The following MYO1C variants were observed in gnomAD, a reference collection of about 807,000 sequenced individuals.
MYO1C encodes myosin IC, also known as unconventional myosin-Ic.
A neutral mutation model predicts 150.8 loss-of-function variants in MYO1C; 104 were observed. The observed-to-expected ratio is 0.69, with a 90% CI of 0.59 to 0.81. The LOEUF (loss-of-function observed/expected upper bound fraction) is 0.81. Among genes scored for constraint, MYO1C ranks in the 30% least tolerant of loss-of-function variants. MYO1C has a pLI of 0.00. For missense variants in MYO1C, 1,504 were observed against 1,435.0 expected (o/e 1.05, Z -0.78); for synonymous variants, 663 against 579.9 (o/e 1.14, Z -2.06).
At position 1,479,560 on chromosome 17, in the gene MYO1C, T is replaced by A. The variant is rs927044167; in HGVS notation, c.1020+32A>T. On this transcript the variant is annotated intron_variant, in intron 8 of 31. Coordinates refer to ENST00000648651, the MANE Select transcript of MYO1C (RefSeq NM_001080779.2). The surrounding 1 kb of genome is among the most constrained non-coding windows in gnomAD (Gnocchi z 4.2). ...GCACCCCCAGCCCCCGCCCCCGCCG[T>A]CCTCCCGTCGCCCTCTGCCCGCCCC... 8.8e-6 allele frequency: 10 copies of A among 1,131,438 alleles called. No homozygotes were observed. The African/African-American group carries it at 9.3e-5, about 11-fold the overall frequency. The allele number at this position is 1,131,438 out of a possible 1,614,324, so 70.1% of individuals were successfully genotyped here. A position where few individuals can be genotyped will look rare whatever the true frequency, so the allele number is the denominator to read the frequency against.
chr17:1,479,326 T>C lies in MYO1C; in HGVS notation c.1092+105A>G, dbSNP rs1384706779. On this transcript the variant is annotated intron_variant, in intron 9 of 31. Transcript: ENST00000648651. This position sits in a 1 kb window ranked among gnomAD's most constrained non-coding sequence, Gnocchi z 4.2. ...GCTTCTCTGAGCAGCCTTCCTTCCATCCCTCCAGCATTGCTGAGGGAACCA... is the reference window on the plus strand; with the variant it reads ...GCTTCTCTGAGCAGCCTTCCTTCCACCCCTCCAGCATTGCTGAGGGAACCA... The C allele has an allele frequency of 1.3e-6, 1 of 748,152 alleles. No individual in the cohort carries two copies. The highest frequency in any genetic ancestry group is 2.3e-6 in the Non-Finnish European group (1 of 431,106). 46.3% of individuals were successfully genotyped at this position (748,152 alleles called of 1,614,324 possible).
intron 14 of MYO1C, among the ~76,000 whole-genome samples, chr17:1,476,023 T>G (rs1046258946): frequency 1.3e-5 from 2 of 152,238 alleles, no homozygotes; most frequent in African/African-American, 4.8e-5. Flanking sequence ...CCATGGCCTT[T>G]GGGCGACGGG....
Position 1,474,804 on chromosome 17 carries a change from C to G in MYO1C, c.1716+8G>C. 6.2e-7 allele frequency: 1 copy of G among 1,613,988 alleles called. No individual in the cohort carries two copies. Among genetic ancestry groups the G allele is most frequent in the East Asian group, 2.2e-5 (1 of 44,884 alleles). On this transcript the variant is annotated splice_region_variant and intron_variant, in intron 16 of 31. Transcript: ENST00000648651. Reference sequence around the variant, plus strand: ...ACCCCCACCCCGGCCTCCCCACGTCCTCCTCACCTCCTTAAGGTTCCGGAA... The same window carrying G: ...ACCCCCACCCCGGCCTCCCCACGTCGTCCTCACCTCCTTAAGGTTCCGGAA...
At chr17:1,484,083 T>G in intron 2 of MYO1C, 65 bp downstream of exon 2, 1 of 1,592,354 alleles carries the variant, frequency 6.3e-7, no homozygotes, top group Non-Finnish European at 8.6e-7. Context: ...TTGGTGTCTC[T>G]TTCCCCTCCG....
intron 14 of MYO1C, among the ~76,000 whole-genome samples, chr17:1,475,628 C>G (rs918025886): frequency 6.6e-6 from 1 of 152,262 alleles, no homozygotes; most frequent in African/African-American, 2.4e-5. Context: ...GTGAGCTGCG[C>G]ACTACTTTTC....
rs761836352 is a variant in MYO1C at position 1,483,056 on chromosome 17, A to T, written c.351T>A (p.Phe117Leu). 2 of 1,603,630 alleles carry T rather than the reference A, an allele frequency of 1.2e-6. No individual in the cohort carries two copies. Among genetic ancestry groups the T allele is most frequent in the African/African-American group, 2.7e-5 (2 of 74,742 alleles). The change falls in exon 4 of 32, where the codon TTT becomes TTA. Residue 117 changes from phenylalanine (F) to leucine (L), a missense_variant. Physicochemically the swap from Phe to Leu is conservative, Grantham distance 22. Transcript: ENST00000648651. ...VSFYEVPPHLFAVADTVYRAL... is the reference protein window; with the variant it reads ...VSFYEVPPHLLAVADTVYRAL... Reference sequence around the variant, plus strand: ...CTCGGTACACAGTGTCCGCCACGGCAAACCTGGGGCGGAGGCTCGTCAGGG... The same window carrying T: ...CTCGGTACACAGTGTCCGCCACGGCTAACCTGGGGCGGAGGCTCGTCAGGG...
intron 25 of MYO1C, 169 bp from the exon 26 acceptor site, chr17:1,468,665 C>G: frequency 1.6e-6 from 1 of 632,752 alleles, no homozygotes; most frequent in Non-Finnish European, 2.8e-6. Context: ...CAACCCTCCA[C>G]TTCCTGACCC....
intron 7 of MYO1C, among the ~76,000 whole-genome samples, chr17:1,480,281 T>C (rs913356876): frequency 6.6e-6 from 1 of 151,010 alleles, no homozygotes; most frequent in East Asian, 2.0e-4. Flanking sequence ...ACTCCGTCTC[T>C]ACTAAAACTA....
intron 17 of MYO1C, among the ~76,000 whole-genome samples, chr17:1,473,296 G>A (rs2074341121): frequency 6.6e-6 from 1 of 152,168 alleles, no homozygotes; most frequent in African/African-American, 2.4e-5. Flanking sequence ...GCAGACCAAG[G>A]GCCCGTTTGT....
At chr17:1,480,462 CAAAA>C in intron 7 of MYO1C, 61 bp downstream of exon 7, 1 of 1,233,594 alleles carries the variant, frequency 8.1e-7, no homozygotes, top group East Asian at 2.6e-5. Context: ...AAATAAAAAA[CAAAA>C]AAAAAAGGAG....
intron 14 of MYO1C, among the ~76,000 whole-genome samples, 155 bp from the exon 15 acceptor site, chr17:1,475,187 G>A (rs1048017889): frequency 2.6e-5 from 4 of 152,184 alleles, no homozygotes; most frequent in Admixed American, 6.5e-5. Context: ...TGGGGAGGCC[G>A]AGGTGGGTAG....
chr17:1,468,387 A>C lies in MYO1C; in HGVS notation c.2704+16T>G. ...TGGTGACGAAAGGTCTGAGTGCTGGAAAGTCAGGGGCTCACCAAGCCGAGT... is the reference window on the plus strand; with the variant it reads ...TGGTGACGAAAGGTCTGAGTGCTGGCAAGTCAGGGGCTCACCAAGCCGAGT... On this transcript the variant is annotated intron_variant, in intron 26 of 31. Coordinates refer to ENST00000648651, the MANE Select transcript of MYO1C (RefSeq NM_001080779.2). 6.2e-7 allele frequency: 1 copy of C among 1,613,730 alleles called. No individual in the cohort carries two copies. Among genetic ancestry groups the C allele is most frequent in the Non-Finnish European group, 8.5e-7 (1 of 1,179,680 alleles).
Position 1,472,160 on chromosome 17 carries a change from G to A in MYO1C, c.1866C>T (p.Tyr622=), listed in dbSNP as rs982233240. The A allele has an allele frequency of 5.6e-6, 9 of 1,614,150 alleles. No homozygotes were observed. The highest frequency in any genetic ancestry group is 1.1e-5 in the South Asian group (1 of 91,086). Residue 622 remains tyrosine, a synonymous_variant, in exon 18 of 32, where the codon TAC becomes TAT. Transcript: ENST00000648651. ...CATCATTGGGTTTGATGCAGCGGAC[G>A]TAGGCGGGCTCCTTAGACTGCAGGA... The part of the protein sequence containing the change: ...VEILQSKEPA[Y]VRCIKPNDAK...
In MYO1C at chr17:1,470,217, G is replaced by C; in HGVS notation, c.2484C>G (p.Val828=). 6.2e-7 allele frequency: 1 copy of C among 1,611,842 alleles called. No homozygotes were observed. Among genetic ancestry groups the C allele is most frequent in the Non-Finnish European group, 8.5e-7 (1 of 1,179,572 alleles). Residue 828 remains valine, a synonymous_variant, in exon 24 of 32, where the codon GTC becomes GTG. Transcript: ENST00000648651. ...GGGGCGTGGGCCACGAGGTGTCCAG[G>C]ACATTCTGGGGCAGCTGCCGCCTCA... ...LNLRRQLPQN[V]LDTSWPTPPP...
Position 1,483,634 on chromosome 17 carries a change from C to T in MYO1C, c.323G>A (p.Ser108Asn). ...CAGGTGAGGGGGCACTTCATAGAAG[C>T]TGACGCCACGGTAACGCTCCATATG... ...RQHMERYRGVSFYEVPPHLFA... is the reference protein window; with the variant it reads ...RQHMERYRGVNFYEVPPHLFA... The change falls in exon 3 of 32, where the codon AGC (serine) becomes AAC (asparagine). Residue 108 changes from serine to asparagine, a missense_variant. Transcript: ENST00000648651. 1.2e-6 allele frequency: 2 copies of T among 1,611,656 alleles called. No individual in the cohort carries two copies. The highest frequency in any genetic ancestry group is 1.7e-6 in the Non-Finnish European group (2 of 1,179,152).
In MYO1C at chr17:1,487,787, T is replaced by C. The variant is rs191904123; in HGVS notation, c.76-3484A>G. 4.7e-4 allele frequency among the ~76,000 whole-genome samples: 72 copies of C among 152,220 alleles called. 1 individual carries two copies. The highest frequency in any genetic ancestry group is 7.9e-4 in the African/African-American group (33 of 41,546). On this transcript the variant is annotated intron_variant, in intron 1 of 31. Transcript: ENST00000648651. ...TACAAAAATTAGCTGAGCGTGGTGGTGGGCGCCTGTGTAATCCCAGCTGCT... is the reference window on the plus strand; with the variant it reads ...TACAAAAATTAGCTGAGCGTGGTGGCGGGCGCCTGTGTAATCCCAGCTGCT...
At position 1,468,021 on chromosome 17, in the gene MYO1C, C is replaced by T; in HGVS notation, c.2863G>A (p.Val955Ile). ...TTGGCGTAATCAATCCTCTGCTTGA[C>T]TTTGGCGTCCTCCACGATGACGACG... is the stretch of plus-strand genomic sequence containing the variant. ...NAVVIVEDAK[V>I]KQRIDYANLT... The change falls in exon 28 of 32, where the codon GTC becomes ATC. Residue 955 changes from valine (V) to isoleucine (I), a missense_variant. By Grantham distance (29) the Val-to-Ile change is conservative. Transcript: ENST00000648651. 6.2e-7 allele frequency: 1 copy of T among 1,612,930 alleles called. No homozygotes were observed. Among genetic ancestry groups the T allele is most frequent in the Non-Finnish European group, 8.5e-7 (1 of 1,179,864 alleles).
rs772480999 is a variant in MYO1C, at chr17:1,470,926, C to T, written c.2212+145G>A. On this transcript the variant is annotated intron_variant, in intron 21 of 31. Transcript: ENST00000648651. ...GGGGCTCCAAGTCGGCCATTGGACT[C>T]TCTGGAGAAGGACTCCCTGGAGCTG... 20 of 1,032,200 alleles carry T rather than the reference C, an allele frequency of 1.9e-5. No individual in the cohort carries two copies. In the East Asian group the frequency reaches 4.7e-4, roughly 24 times the overall value. The allele number at this position is 1,032,200 out of a possible 1,614,324, so 63.9% of individuals were successfully genotyped here.
chr17:1,484,386 G>A (rs1478769156), intron 1 of MYO1C, 83 bp from the exon 2 acceptor site: 1 of 1,529,074 alleles, frequency 6.5e-7, no homozygotes, highest in East Asian at 2.3e-5. Context: ...GGACTGAGAG[G>A]GAACGTAGGG....
Sources: gnomAD v4.1 joint callset for allele counts (sites outside exome capture counted in the v4.1 genomes callset) on GRCh38, gnomAD v4.1.1 for gene constraint, Gnocchi (gnomAD v3.1) non-coding constraint, MANE v1.5 for transcripts, NCBI Gene and HGNC (gene_info 2026-07-23, HGNC 2026-07-21) for gene names.